The following RELN variants were observed in gnomAD, a reference collection of about 807,000 sequenced individuals.
RELN encodes the protein reelin.
In RELN, 108 loss-of-function variants were observed where a neutral mutation model predicts 427.6. That is an observed-to-expected ratio of 0.25 (90% CI 0.22 to 0.30). The LOEUF (loss-of-function observed/expected upper bound fraction) is 0.30, where lower values mean the gene tolerates loss of function less well. Ranked by LOEUF, RELN falls within the 10% of genes least tolerant of loss-of-function variation. The pLI, the probability that RELN is intolerant of heterozygous loss-of-function variation, is 1.00. For synonymous variants in RELN, 1,524 were observed against 1,513.4 expected (o/e 1.01, Z -0.16); for missense variants, 3,715 against 4,302.8 (o/e 0.86, Z 3.82).
intron 28 of RELN, among the ~76,000 whole-genome samples, chr7:103,581,920 G>T (rs556139205): frequency 1.2e-4 from 18 of 152,040 alleles, no homozygotes; most frequent in African/African-American, 4.3e-4. Flanking sequence ...CAGAAGAACT[G>T]CCCAGCCAAC....
chr7:103,485,809 A>T (rs1190632908), intron 61 of RELN, among the ~76,000 whole-genome samples: 1 of 152,236 alleles, frequency 6.6e-6, no homozygotes, highest in African/African-American at 2.4e-5. Context: ...TAAGCTAAAT[A>T]TAGGCATATG....
intron 54 of RELN, 34 bp from the exon 55 acceptor site, chr7:103,497,960 TTCATTAGAACAAA>T: frequency 6.2e-7 from 1 of 1,608,208 alleles, no homozygotes; most frequent in Non-Finnish European, 8.5e-7. Context: ...ATCAGAATAA[TTCATTAGAACAAA>T]TACTCTACTC....
At chr7:103,588,322 C>T (rs1274698789) in intron 28 of RELN, among the ~76,000 whole-genome samples, 1 of 150,342 alleles carries the variant, frequency 6.7e-6, no homozygotes, top group Non-Finnish European at 1.5e-5. Context: ...CTAAAATATT[C>T]GATCACATGT....
intron 1 of RELN, among the ~76,000 whole-genome samples, chr7:103,931,464 C>T (rs1795863988): frequency 6.6e-6 from 1 of 152,146 alleles, no homozygotes; most frequent in South Asian, 2.1e-4. Flanking sequence ...ATCTGACATC[C>T]CTTGGTAAGG....
intron 22 of RELN, among the ~76,000 whole-genome samples, chr7:103,609,455 T>C (rs903161246): frequency 2.0e-5 from 3 of 152,102 alleles, no homozygotes; most frequent in Non-Finnish European, 4.4e-5. Flanking sequence ...TAAATAAAAG[T>C]CTTGATTATA....
At chr7:103,912,146 C>T (rs192546041) in intron 2 of RELN, among the ~76,000 whole-genome samples, 1 of 150,292 alleles carries the variant, frequency 6.7e-6, no homozygotes, top group Admixed American at 6.6e-5. Context: ...AATTCCTACA[C>T]CTGTTCACTA....
chr7:103,552,590 C>T (rs1279232077), intron 40 of RELN, among the ~76,000 whole-genome samples: 1 of 151,034 alleles, frequency 6.6e-6, no homozygotes, highest in Non-Finnish European at 1.5e-5. Context: ...GCAACCTCCA[C>T]CTCCCATGTT....
intron 41 of RELN, among the ~76,000 whole-genome samples, chr7:103,545,680 C>A (rs753923157): frequency 1.3e-5 from 2 of 151,782 alleles, no homozygotes; most frequent in Non-Finnish European, 2.9e-5. Context: ...CTCACTCTGT[C>A]CCCCAGGCTG....
intron 15 of RELN, 38 bp from the exon 16 acceptor site, chr7:103,650,421 T>C: frequency 1.7e-6 from 2 of 1,174,578 alleles, no homozygotes; most frequent in Non-Finnish European, 2.6e-6. Context: ...TTCACAACTA[T>C]GTTCATATCT....
At chr7:103,710,966 C>T in intron 8 of RELN, among the ~76,000 whole-genome samples, 1 of 152,186 alleles carries the variant, frequency 6.6e-6, no homozygotes, top group East Asian at 1.9e-4. Flanking sequence ...ATCGCTTGAA[C>T]CCAGGAGGCA....
chr7:103,491,849 C>T, intron 58 of RELN, 104 bp downstream of exon 58: 1 of 565,248 alleles, frequency 1.8e-6, no homozygotes, highest in Non-Finnish European at 3.0e-6. Flanking sequence ...CTCTCTCTCT[C>T]TCTCTCTCAC....
intron 2 of RELN, among the ~76,000 whole-genome samples, chr7:103,906,714 G>A (rs542890271): frequency 6.6e-6 from 1 of 152,158 alleles, no homozygotes; most frequent in Non-Finnish European, 1.5e-5. Context: ...CTTGGCTTTT[G>A]TACCTTATGG....
chr7:103,718,881 T>C (rs1790006285), intron 8 of RELN, among the ~76,000 whole-genome samples: 1 of 152,192 alleles, frequency 6.6e-6, no homozygotes, highest in African/African-American at 2.4e-5. Flanking sequence ...AGAGGTAAGC[T>C]AAATTGAACA....
chr7:103,666,143 T>C (rs1833261888), intron 11 of RELN, among the ~76,000 whole-genome samples: 1 of 152,008 alleles, frequency 6.6e-6, no homozygotes, highest in African/African-American at 2.4e-5. Flanking sequence ...TGGCTCATGG[T>C]AGCCTTAACG....
Position 103,636,267 on chromosome 7 carries a change from T to C in RELN, c.2271A>G (p.Leu757=). The C allele has an allele frequency of 6.2e-7, 1 of 1,613,788 alleles. No homozygotes were observed. The highest frequency in any genetic ancestry group is 8.5e-7 in the Non-Finnish European group (1 of 1,179,798). ...GTGAGCTGTCAAGGAAAGATGTAAT[T>C]AGCTGACGCCGCCCATCTTTGTTGA... ...LVFNKDGRRQ[L]ITSFLDSSQS... Residue 757 remains leucine (L), a synonymous_variant, in exon 18 of 65, where the codon CTA becomes CTG. Coordinates refer to ENST00000428762, the MANE Select transcript of RELN (RefSeq NM_005045.4).
intron 20 of RELN, among the ~76,000 whole-genome samples, chr7:103,624,531 ATTC>A (rs958607341): frequency 2.0e-5 from 3 of 152,046 alleles, no homozygotes; most frequent in Non-Finnish European, 4.4e-5. Context: ...GGTTCAAGTG[ATTC>A]TTCTGCCTCA....
At chr7:103,506,850 C>G (rs967619835) in intron 51 of RELN, among the ~76,000 whole-genome samples, 3 of 152,154 alleles carry the variant, frequency 2.0e-5, no homozygotes, top group African/African-American at 7.2e-5. Flanking sequence ...ATTTATCAAG[C>G]AAACGGAAAG....
chr7:103,957,799 G>C (rs1482202051), intron 1 of RELN, among the ~76,000 whole-genome samples: 3 of 152,160 alleles, frequency 2.0e-5, no homozygotes, highest in African/African-American at 2.4e-5. Flanking sequence ...CCCATCTGTG[G>C]AGCAGAGAGG....
At chr7:103,718,518 C>A (rs1001823095) in intron 8 of RELN, among the ~76,000 whole-genome samples, 1 of 152,112 alleles carries the variant, frequency 6.6e-6, no homozygotes, top group Non-Finnish European at 1.5e-5. Flanking sequence ...ACTTGTTTCA[C>A]TTAAAGTATA....
Sources: allele counts gnomAD v4.1 joint callset (sites outside exome capture counted in the v4.1 genomes callset), GRCh38; gene constraint gnomAD v4.1.1; transcripts MANE v1.5; gene names NCBI Gene and HGNC (gene_info 2026-07-23, HGNC 2026-07-21).